The following MED12L variants were observed in gnomAD, a reference collection of about 807,000 sequenced individuals.
MED12L encodes mediator of RNA polymerase II transcription subunit 12-like protein.
Under a neutral mutation model 281.3 loss-of-function variants are expected in MED12L, and 60 were observed. The ratio of observed to expected loss-of-function variants is 0.21; its 90% CI spans 0.17 to 0.26. The LOEUF (loss-of-function observed/expected upper bound fraction) is 0.26, where lower values mean the gene tolerates loss of function less well. Ranked by LOEUF, MED12L falls within the 10% of genes least tolerant of loss-of-function variation. The pLI, the probability that MED12L is intolerant of heterozygous loss-of-function variation, is 1.00. For missense variants in MED12L, 2,146 were observed against 2,680.9 expected (o/e 0.80, Z 4.41); for synonymous variants, 974 against 987.2 (o/e 0.99, Z 0.25).
At chr3:151,214,470 G>A in intron 16 of MED12L, 1 of 601,684 alleles carries the variant, frequency 1.7e-6, no homozygotes, top group Non-Finnish European at 2.9e-6. Context: ...TTTACTCTGT[G>A]TAAGTTAGAC....
Position 151,185,356 on chromosome 3 carries a change from G to A in MED12L, c.1521G>A (p.Val507=). 6.2e-7 allele frequency: 1 copy of A among 1,613,940 alleles called. No homozygotes were observed. The highest frequency in any genetic ancestry group is 8.5e-7 in the Non-Finnish European group (1 of 1,179,952). Residue 507 remains valine, a synonymous_variant, in exon 12 of 45, where the codon GTG becomes GTA. Transcript: ENST00000687756. The part of the protein sequence containing the change: ...QEVAPNDEAV[V]TLLCEWAVSC... Reference sequence around the variant, plus strand: ...TTGCGCCCAACGATGAAGCTGTGGTGACGCTGTTATGTGAATGGGCCGTGA... The same window carrying A: ...TTGCGCCCAACGATGAAGCTGTGGTAACGCTGTTATGTGAATGGGCCGTGA...
chr3:151,392,176 A>G (rs1322438155), intron 38 of MED12L, among the ~76,000 whole-genome samples: 2 of 152,144 alleles, frequency 1.3e-5, no homozygotes, highest in African/African-American at 2.4e-5. Flanking sequence ...TAAAAAATAA[A>G]TTTTGGGCTG....
At chr3:151,330,050 T>G (rs1205471902) in intron 16 of MED12L, among the ~76,000 whole-genome samples, 1 of 152,126 alleles carries the variant, frequency 6.6e-6, no homozygotes, top group Non-Finnish European at 1.5e-5. Flanking sequence ...AGATCCAGAT[T>G]TTTGGAGTTA....
chr3:151,254,302 A>C (rs1737405770), intron 16 of MED12L, among the ~76,000 whole-genome samples: 1 of 152,196 alleles, frequency 6.6e-6, no homozygotes, highest in African/African-American at 2.4e-5. Flanking sequence ...TTTTTGGATA[A>C]ATCAGCATCT....
intron 16 of MED12L, among the ~76,000 whole-genome samples, chr3:151,281,260 GTT>G (rs1742770217): frequency 1.3e-5 from 1 of 79,812 alleles, no homozygotes; most frequent in Non-Finnish European, 2.6e-5. Context: ...AAAAAAAAAA[GTT>G]AGCTGGGCAT....
intron 43 of MED12L, among the ~76,000 whole-genome samples, chr3:151,425,951 C>T (rs1188626219): frequency 6.6e-6 from 1 of 152,110 alleles, no homozygotes; most frequent in Non-Finnish European, 1.5e-5. Flanking sequence ...AAGGGATGAA[C>T]ATCTGCAAAG....
intron 16 of MED12L, among the ~76,000 whole-genome samples, chr3:151,209,332 C>T (rs1012317657): frequency 2.0e-4 from 31 of 152,082 alleles, no homozygotes; most frequent in African/African-American, 5.3e-4. Flanking sequence ...TTATCACATA[C>T]GTTTACTGCA....
chr3:151,286,906 T>C (rs748612900), intron 16 of MED12L, among the ~76,000 whole-genome samples: 2 of 152,232 alleles, frequency 1.3e-5, no homozygotes, highest in South Asian at 2.1e-4. Flanking sequence ...TTCTCATAGT[T>C]AGATATTGTC....
intron 39 of MED12L, among the ~76,000 whole-genome samples, chr3:151,396,599 C>T (rs1715006625): frequency 6.6e-6 from 1 of 152,024 alleles, no homozygotes; most frequent in Non-Finnish European, 1.5e-5. Flanking sequence ...GCACTCCAGC[C>T]CGGTCAACAG....
intron 39 of MED12L, among the ~76,000 whole-genome samples, chr3:151,399,206 AT>A (rs2108283917): frequency 6.6e-6 from 1 of 152,354 alleles, no homozygotes; most frequent in African/African-American, 2.4e-5. Context: ...GAAGTTAATG[AT>A]TAAGTATGTG....
intron 16 of MED12L, among the ~76,000 whole-genome samples, chr3:151,246,332 A>G (rs1222452686): frequency 6.6e-6 from 1 of 152,116 alleles, no homozygotes. Context: ...AAGCCAAAAG[A>G]ACAAAGCTGG....
At position 151,416,364 on chromosome 3, in the gene MED12L, C is replaced by T; in HGVS notation, c.6350C>T (p.Ser2117Phe). 6.2e-7 allele frequency: 1 copy of T among 1,611,030 alleles called. No individual in the cohort carries two copies. Among genetic ancestry groups the T allele is most frequent in the Non-Finnish European group, 8.5e-7 (1 of 1,178,040 alleles). Residue 2117 changes from serine to phenylalanine, a missense_variant, in exon 43 of 45, where the codon TCC becomes TTC. Transcript: ENST00000687756. ...QPQQPPQPQQ[S>F]SQSQSQTLGL... Reference sequence around the variant, plus strand: ...CAGCAGCCTCCCCAGCCCCAGCAGTCCTCGCAGTCCCAGAGTCAGACCCTT... The same window carrying T: ...CAGCAGCCTCCCCAGCCCCAGCAGTTCTCGCAGTCCCAGAGTCAGACCCTT...
intron 11 of MED12L, among the ~76,000 whole-genome samples, chr3:151,167,320 G>A (rs918913873): frequency 6.6e-6 from 1 of 152,148 alleles, no homozygotes; most frequent in Non-Finnish European, 1.5e-5. Flanking sequence ...GAAAACTGCC[G>A]ATGATAATAT....
intron 40 of MED12L, among the ~76,000 whole-genome samples, chr3:151,410,073 T>G (rs1229390259): frequency 6.6e-6 from 1 of 152,212 alleles, no homozygotes; most frequent in Non-Finnish European, 1.5e-5. Context: ...AGCAACTTAC[T>G]AGCTGTGTGA....
chr3:151,204,204 C>G (rs1576961731), intron 16 of MED12L, among the ~76,000 whole-genome samples: 1 of 152,160 alleles, frequency 6.6e-6, no homozygotes, highest in South Asian at 2.1e-4. Context: ...GCTTTGGTTT[C>G]TTTTAATAAT....
intron 5 of MED12L, among the ~76,000 whole-genome samples, chr3:151,133,627 A>G (rs1715722647): frequency 6.6e-6 from 1 of 152,008 alleles, no homozygotes; most frequent in Non-Finnish European, 1.5e-5. Flanking sequence ...GTTTAGGTGG[A>G]CACGATGTTT....
intron 16 of MED12L, among the ~76,000 whole-genome samples, chr3:151,264,167 C>A (rs1042382141): frequency 6.6e-6 from 1 of 152,200 alleles, no homozygotes; most frequent in Admixed American, 6.5e-5. Context: ...GATCTCTGTA[C>A]TTGTATTTCC....
chr3:151,319,162 A>AG (rs1748672766), intron 16 of MED12L, among the ~76,000 whole-genome samples: 1 of 152,194 alleles, frequency 6.6e-6, no homozygotes, highest in South Asian at 2.1e-4. Context: ...CCAAAAGGGA[A>AG]GTAATACATG....
At chr3:151,430,657 C>T (rs1299205708) in intron 44 of MED12L, among the ~76,000 whole-genome samples, 3 of 148,374 alleles carry the variant, frequency 2.0e-5, no homozygotes, top group African/African-American at 5.0e-5. Context: ...ATTGGGGGGA[C>T]TCCTATGGAA....
Sources: gnomAD v4.1 joint callset for allele counts (sites outside exome capture counted in the v4.1 genomes callset) on GRCh38, gnomAD v4.1.1 for gene constraint, MANE v1.5 for transcripts, NCBI Gene and HGNC (gene_info 2026-07-23, HGNC 2026-07-21) for gene names.